Variants in TBX20 observed in about 807,000 individuals in gnomAD.
TBX20 encodes T-box transcription factor 20.
In TBX20, 8 loss-of-function variants were observed where a neutral mutation model predicts 42.9. The ratio of observed to expected loss-of-function variants is 0.19; its 90% confidence interval spans 0.11 to 0.34. The LOEUF is 0.34. TBX20 is among the 10% of genes least tolerant of loss of function. The probability of loss-of-function intolerance (pLI) is 1.00; values close to 1 mark genes in which losing one functional copy is unlikely to be tolerated. For missense variants in TBX20, 411 were observed against 566.0 expected (o/e 0.73, Z 2.78); for synonymous variants, 198 against 222.8 (o/e 0.89, Z 0.99).
At chr7:35,206,601 C>T (rs191357006) in intron 6 of TBX20, among the ~76,000 whole-genome samples, 137 of 152,222 alleles carry the variant, frequency 9.0e-4, no homozygotes, top group African/African-American at 3.1e-3. Context: ...GGCATATGTA[C>T]GCACCACTGA....
intron 1 of TBX20, 107 bp from the exon 2 acceptor site, chr7:35,250,310 T>A: frequency 1.5e-6 from 2 of 1,378,814 alleles, no homozygotes; most frequent in South Asian, 2.5e-5. Context: ...CAGGAAAAGT[T>A]AAGCTCAGAA....
At chr7:35,224,996 A>G (rs1789745674) in intron 6 of TBX20, among the ~76,000 whole-genome samples, 1 of 152,014 alleles carries the variant, frequency 6.6e-6, no homozygotes, top group Non-Finnish European at 1.5e-5. Flanking sequence ...ATAAAACAAG[A>G]AAAAGATATT....
At chr7:35,251,716 T>C (rs1468329141) in intron 1 of TBX20, among the ~76,000 whole-genome samples, 1 of 152,194 alleles carries the variant, frequency 6.6e-6, no homozygotes. Flanking sequence ...AAATAGACTT[T>C]GTATGTTTAA....
chr7:35,244,812 T>C, intron 4 of TBX20, 137 bp downstream of exon 4: 2 of 686,208 alleles, frequency 2.9e-6, no homozygotes, highest in Admixed American at 4.2e-5. Flanking sequence ...AACACATAAA[T>C]GTTCCCATAA....
At chr7:35,252,912 G>A (rs2128716535) in intron 1 of TBX20, among the ~76,000 whole-genome samples, 1 of 152,342 alleles carries the variant, frequency 6.6e-6, no homozygotes, top group Non-Finnish European at 1.5e-5. Flanking sequence ...TTACTGGTTA[G>A]TGTTTTTGCC....
At position 35,249,663 on chromosome 7, in the gene TBX20, T is replaced by A. The variant is rs1027301824; in HGVS notation, c.380+288A>T. On this transcript the variant is annotated intron_variant, in intron 2 of 7. Transcript: ENST00000408931. The surrounding 1 kb of genome is among the most constrained non-coding windows in gnomAD (Gnocchi z 4.3). ...CTCCACCCGCCAAACCTTCTCCAGC[T>A]CCAGGGAAAGCAGACCACACCCTTC... 3.3e-5 allele frequency among the ~76,000 whole-genome samples: 5 copies of A among 152,128 alleles called. No individual in the cohort carries two copies. Among genetic ancestry groups the A allele is most frequent in the African/African-American group, 1.2e-4 (5 of 41,426 alleles).
intron 6 of TBX20, among the ~76,000 whole-genome samples, chr7:35,230,820 A>G (rs1052712141): frequency 2.0e-4 from 30 of 152,326 alleles, no homozygotes; most frequent in African/African-American, 6.3e-4. Flanking sequence ...CAAATAATCA[A>G]TTAGGTTTAA....
intron 6 of TBX20, among the ~76,000 whole-genome samples, chr7:35,228,106 AC>A (rs1169294334): frequency 6.7e-5 from 10 of 149,164 alleles, no homozygotes; most frequent in South Asian, 6.4e-4. Flanking sequence ...AAAAAAAAAA[AC>A]ATCCTTTGAC....
At chr7:35,251,130 A>G (rs1422953131) in intron 1 of TBX20, among the ~76,000 whole-genome samples, 1 of 152,164 alleles carries the variant, frequency 6.6e-6, no homozygotes, top group Non-Finnish European at 1.5e-5. Flanking sequence ...CTGGGACTAC[A>G]CCAGTCACTT....
At chr7:35,232,473 C>A (rs892268575) in intron 5 of TBX20, among the ~76,000 whole-genome samples, 4 of 152,140 alleles carry the variant, frequency 2.6e-5, no homozygotes, top group Non-Finnish European at 5.9e-5. Flanking sequence ...GCTGAGAGAC[C>A]ATCTAGCCCA....
chr7:35,226,017 G>A (rs1789763167), intron 6 of TBX20, among the ~76,000 whole-genome samples: 1 of 151,938 alleles, frequency 6.6e-6, no homozygotes, highest in African/African-American at 2.4e-5. Flanking sequence ...AAAAATAAGT[G>A]GGAAATGAAT....
At chr7:35,226,064 T>G (rs1320645835) in intron 6 of TBX20, among the ~76,000 whole-genome samples, 2 of 152,062 alleles carry the variant, frequency 1.3e-5, no homozygotes, top group Non-Finnish European at 2.9e-5. Context: ...TTCAGGCCAC[T>G]TGTAAAAAAT....
chr7:35,253,688 G>C lies in TBX20; in HGVS notation c.-68C>G. ...ACTGCCGTCCAGATTCCCCAAGGGA[G>C]ACAAAGACCCGAAACACAGCTCAAA... On this transcript the variant is annotated 5_prime_UTR_variant, in exon 1 of 8. Coordinates refer to ENST00000408931, the MANE Select transcript of TBX20 (RefSeq NM_001077653.2). The C allele has an allele frequency of 1.3e-6, 2 of 1,576,068 alleles. No individual in the cohort carries two copies. The highest frequency in any genetic ancestry group is 2.2e-5 in the East Asian group (1 of 44,474).
chr7:35,231,510 A>G lies in TBX20; in HGVS notation c.884T>C (p.Ile295Thr). The change falls in exon 6 of 8, where the codon ATT (isoleucine) becomes ACT (threonine). Residue 295 changes from isoleucine to threonine, a missense_variant. By Grantham distance (89) the Ile-to-Thr change is moderately conservative. Transcript: ENST00000408931. Reference sequence around the variant, plus strand: ...AACAGAAAATTCTCATTACCTCTCAATGTCAGTGAGCCTGGAGGAATCCCG... The same window carrying G: ...AACAGAAAATTCTCATTACCTCTCAGTGTCAGTGAGCCTGGAGGAATCCCG... ...GFRDSSRLTDIERESVESLIQ... is the reference protein window; with the variant it reads ...GFRDSSRLTDTERESVESLIQ... The G allele has an allele frequency of 6.2e-7, 1 of 1,612,348 alleles. No homozygotes were observed. The highest frequency in any genetic ancestry group is 8.5e-7 in the Non-Finnish European group (1 of 1,178,438).
chr7:35,222,268 A>G lies in TBX20; in HGVS notation c.890+9236T>C, dbSNP rs1789696111. Among the ~76,000 whole-genome samples the G allele has an allele frequency of 4.6e-5, 7 of 152,296 alleles. No individual in the cohort carries two copies. In the South Asian group the frequency reaches 1.5e-3, roughly 32 times the overall value. On this transcript the variant is annotated intron_variant, in intron 6 of 7. Transcript: ENST00000408931. ...TTATTTTGAAATAAAAAATACATAT[A>G]TAGCCCATTGTCTGACACATGGCAC...
chr7:35,214,275 G>C (rs1789545845), intron 6 of TBX20, among the ~76,000 whole-genome samples: 1 of 152,138 alleles, frequency 6.6e-6, no homozygotes. Context: ...GAATGCTAAA[G>C]TCGGTGGAGA....
intron 6 of TBX20, among the ~76,000 whole-genome samples, chr7:35,209,199 T>C (rs1789453008): frequency 1.3e-5 from 2 of 152,158 alleles, no homozygotes; most frequent in South Asian, 2.1e-4. Flanking sequence ...GCTAGTCTCA[T>C]AGAATTAGTT....
At chr7:35,233,084 T>G (rs563507356) in intron 5 of TBX20, among the ~76,000 whole-genome samples, 231 of 152,310 alleles carry the variant, frequency 1.5e-3, no homozygotes, top group African/African-American at 5.4e-3. Flanking sequence ...TCAAAGTATA[T>G]CTATAGAACA....
At chr7:35,253,391 T>A in intron 1 of TBX20, 103 bp downstream of exon 1, 2 of 1,374,100 alleles carry the variant, frequency 1.5e-6, no homozygotes. Context: ...GTATGGCTCA[T>A]GGCTTGAGCA....
Sources: gnomAD v4.1 joint callset for allele counts (sites outside exome capture counted in the v4.1 genomes callset) on GRCh38, gnomAD v4.1.1 for gene constraint, Gnocchi (gnomAD v3.1) non-coding constraint, MANE v1.5 for transcripts, NCBI Gene and HGNC (gene_info 2026-07-23, HGNC 2026-07-21) for gene names.